The following NXPH1 variants were observed in gnomAD, a reference collection of about 807,000 sequenced individuals.
NXPH1 encodes the protein neurexophilin-1.
A neutral mutation model predicts 23.7 loss-of-function variants in NXPH1; 5 were observed. The ratio of observed to expected loss-of-function variants is 0.21; its 90% CI spans 0.11 to 0.44. The LOEUF (loss-of-function observed/expected upper bound fraction) is 0.44. Among genes scored for constraint, NXPH1 ranks in the 20% least tolerant of loss-of-function variants. The pLI is 0.99. For synonymous variants in NXPH1, 144 were observed against 122.2 expected (o/e 1.18, Z -1.18); for missense variants, 324 against 321.6 (o/e 1.01, Z -0.06).
intron 2 of NXPH1, among the ~76,000 whole-genome samples, chr7:8,712,015 C>T (rs905568263): frequency 2.0e-5 from 3 of 152,154 alleles, no homozygotes; most frequent in African/African-American, 7.2e-5. Flanking sequence ...TCTTCTTGAT[C>T]AGCTTGGCTT....
chr7:8,749,202 C>A (rs1286177843), intron 2 of NXPH1, among the ~76,000 whole-genome samples: 2 of 152,198 alleles, frequency 1.3e-5, no homozygotes, highest in African/African-American at 4.8e-5. Context: ...GAGCCCTTTC[C>A]AAATGCCAGC....
intron 2 of NXPH1, among the ~76,000 whole-genome samples, chr7:8,742,959 G>A (rs1780392168): frequency 6.8e-6 from 1 of 146,214 alleles, no homozygotes. Flanking sequence ...TAGTGAGTGT[G>A]TGCGTGTGTG....
At chr7:8,508,800 CA>C (rs1191083497) in intron 2 of NXPH1, among the ~76,000 whole-genome samples, 8 of 152,154 alleles carry the variant, frequency 5.3e-5, no homozygotes, top group African/African-American at 1.9e-4. Context: ...GAAGTCTTTT[CA>C]TTGGCCCTCA....
At position 8,443,488 on chromosome 7, in the gene NXPH1, C is replaced by T. The variant is rs193091474; in HGVS notation, c.54+7721C>T. Among the ~76,000 whole-genome samples the T allele has an allele frequency of 6.9e-4, 105 of 152,382 alleles. 1 individual carries two copies. Among genetic ancestry groups the T allele is most frequent in the African/African-American group, 2.2e-3 (93 of 41,594 alleles). On this transcript the variant is annotated intron_variant, in intron 2 of 2. Coordinates refer to ENST00000405863, the MANE Select transcript of NXPH1 (RefSeq NM_152745.3). ...AAAACCCTATGGGGAGAAGCGATTC[C>T]TGCCCCTCTTCCCCCGGCGAGGAAC...
At chr7:8,610,152 A>T (rs1819584411) in intron 2 of NXPH1, among the ~76,000 whole-genome samples, 1 of 152,192 alleles carries the variant, frequency 6.6e-6, no homozygotes, top group South Asian at 2.1e-4. Flanking sequence ...TTCACATTTG[A>T]CTAACAGCAT....
At chr7:8,584,620 G>A (rs1311415294) in intron 2 of NXPH1, among the ~76,000 whole-genome samples, 1 of 152,138 alleles carries the variant, frequency 6.6e-6, no homozygotes, top group Non-Finnish European at 1.5e-5. Context: ...ATGGAAATAT[G>A]ATCAGTACCA....
chr7:8,479,913 G>A (rs189491079), intron 2 of NXPH1, among the ~76,000 whole-genome samples: 5 of 152,192 alleles, frequency 3.3e-5, no homozygotes, highest in East Asian at 1.9e-4. Context: ...GAACTAGTTC[G>A]TTGTCTTGAA....
intron 2 of NXPH1, among the ~76,000 whole-genome samples, chr7:8,597,243 C>T (rs1819246005): frequency 6.6e-6 from 1 of 152,076 alleles, no homozygotes; most frequent in African/African-American, 2.4e-5. Context: ...TGGGTCTTTT[C>T]AGCCAGAGTA....
At chr7:8,648,162 C>T (rs1820425868) in intron 2 of NXPH1, among the ~76,000 whole-genome samples, 1 of 152,158 alleles carries the variant, frequency 6.6e-6, no homozygotes, top group Non-Finnish European at 1.5e-5. Context: ...GAGTTACAAA[C>T]AATCCAAATT....
rs1447293419 is a variant in NXPH1 at position 8,435,982 on chromosome 7, C to T, written c.54+215C>T. Among the ~76,000 whole-genome samples, 1 of 152,128 alleles carries T rather than the reference C, an allele frequency of 6.6e-6. No homozygotes were observed. The highest frequency in any genetic ancestry group is 1.5e-5 in the Non-Finnish European group (1 of 68,026). ...TGCTCCAATCCCCCAGTCTCCTGCG[C>T]GTGATTCTTGAAAGGGGCTAGGGCG... On this transcript the variant is annotated intron_variant, in intron 2 of 2. Coordinates refer to ENST00000405863, the MANE Select transcript of NXPH1 (RefSeq NM_152745.3). The surrounding 1 kb of genome is among the most constrained non-coding windows in gnomAD (Gnocchi z 5.9).
chr7:8,477,202 A>G (rs1303212089), intron 2 of NXPH1, among the ~76,000 whole-genome samples: 1 of 152,116 alleles, frequency 6.6e-6, no homozygotes, highest in Admixed American at 6.6e-5. Context: ...ATGACCTGGG[A>G]CAGCAAATGT....
intron 2 of NXPH1, among the ~76,000 whole-genome samples, chr7:8,475,174 C>G (rs1395766652): frequency 6.6e-6 from 1 of 152,076 alleles, no homozygotes; most frequent in East Asian, 1.9e-4. Context: ...CCCTAAACTT[C>G]AGTTGTTTAA....
chr7:8,700,223 A>G (rs573142850), intron 2 of NXPH1, among the ~76,000 whole-genome samples: 4 of 152,282 alleles, frequency 2.6e-5, no homozygotes, highest in African/African-American at 9.6e-5. Flanking sequence ...TAACAAGCAT[A>G]ATGTTGTGGA....
At chr7:8,710,065 G>A (rs1008723154) in intron 2 of NXPH1, among the ~76,000 whole-genome samples, 3 of 152,172 alleles carry the variant, frequency 2.0e-5, no homozygotes, top group African/African-American at 7.2e-5. Context: ...TTTGCCCTAT[G>A]AACAGAATTG....
chr7:8,665,121 CTA>C (rs1179716466), intron 2 of NXPH1, among the ~76,000 whole-genome samples: 8 of 151,884 alleles, frequency 5.3e-5, no homozygotes, highest in Non-Finnish European at 7.4e-5. Context: ...GAGATTTCCC[CTA>C]TGTTTCCTTC....
intron 2 of NXPH1, among the ~76,000 whole-genome samples, chr7:8,531,452 T>C (rs1180047945): frequency 6.6e-6 from 1 of 152,174 alleles, no homozygotes; most frequent in African/African-American, 2.4e-5. Context: ...GATGGCATAA[T>C]GTGTCACCTA....
At chr7:8,587,580 C>T (rs1819004567) in intron 2 of NXPH1, among the ~76,000 whole-genome samples, 1 of 152,092 alleles carries the variant, frequency 6.6e-6, no homozygotes, top group African/African-American at 2.4e-5. Context: ...TGGTTTGTTG[C>T]ACCCATCAAT....
intron 2 of NXPH1, among the ~76,000 whole-genome samples, chr7:8,578,009 G>A (rs1478006205): frequency 6.6e-6 from 1 of 152,184 alleles, no homozygotes; most frequent in Admixed American, 6.5e-5. Flanking sequence ...GAAATACTCT[G>A]AGCCAGAAAT....
chr7:8,584,421 T>G (rs1434188895), intron 2 of NXPH1, among the ~76,000 whole-genome samples: 2 of 152,218 alleles, frequency 1.3e-5, no homozygotes, highest in African/African-American at 4.8e-5. Flanking sequence ...TTTAGTTTAT[T>G]TAACAAATAT....
Sources: gnomAD v4.1 joint callset for allele counts (sites outside exome capture counted in the v4.1 genomes callset) on GRCh38, gnomAD v4.1.1 for gene constraint, Gnocchi (gnomAD v3.1) non-coding constraint, MANE v1.5 for transcripts, NCBI Gene and HGNC (gene_info 2026-07-23, HGNC 2026-07-21) for gene names.